DNAH3: variants seen among roughly 807,000 people sequenced by gnomAD.
The protein encoded by DNAH3 is axonemal beta dynein heavy chain 3.
DNAH3 carries 332 observed loss-of-function variants against 432.5 expected under a neutral mutation model. The ratio of observed to expected loss-of-function variants is 0.77; its 90% CI spans 0.70 to 0.84. The LOEUF (loss-of-function observed/expected upper bound fraction) is 0.84. Among genes scored for constraint, DNAH3 ranks in the 40% least tolerant of loss-of-function variants. DNAH3 has a pLI of 0.00. For synonymous variants in DNAH3, 1,956 were observed against 1,900.2 expected (o/e 1.03, Z -0.76); for missense variants, 4,861 against 5,114.0 (o/e 0.95, Z 1.51).
At chr16:21,159,177 C>T in intron 1 of DNAH3, 1 of 830,958 alleles carries the variant, frequency 1.2e-6, no homozygotes, top group Non-Finnish European at 2.0e-6. Flanking sequence ...TCTTCTCCAC[C>T]GAGGTCCCCT....
intron 57 of DNAH3, 147 bp from the exon 58 acceptor site, chr16:20,944,810 G>C: frequency 2.1e-5 from 16 of 765,762 alleles, no homozygotes; most frequent in Non-Finnish European, 3.2e-5. Context: ...CACGCTGGGA[G>C]AACACAACCC....
chr16:21,097,778 T>A (rs1398691289), intron 17 of DNAH3, among the ~76,000 whole-genome samples: 4 of 152,186 alleles, frequency 2.6e-5, no homozygotes, highest in African/African-American at 9.7e-5. Context: ...ATATCTCCGT[T>A]TTCATAATTT....
intron 11 of DNAH3, among the ~76,000 whole-genome samples, chr16:21,119,090 C>T (rs954212232): frequency 6.6e-6 from 1 of 152,164 alleles, no homozygotes; most frequent in African/African-American, 2.4e-5. Flanking sequence ...TTGCTGCAGC[C>T]ATACTACAGA....
intron 56 of DNAH3, among the ~76,000 whole-genome samples, chr16:20,949,693 G>A (rs886884499): frequency 1.3e-5 from 2 of 152,184 alleles, no homozygotes; most frequent in African/African-American, 2.4e-5. Context: ...GAATTACAAC[G>A]AGCAAAGACT....
rs550343321 is a variant in DNAH3, at chr16:21,074,806, C to T, written c.3084+641G>A. Among the ~76,000 whole-genome samples, 174 of 152,254 alleles carry T rather than the reference C, an allele frequency of 1.1e-3. 1 individual carries two copies. Among genetic ancestry groups the T allele is most frequent in the African/African-American group, 4.0e-3 (168 of 41,554 alleles). Reference sequence around the variant, plus strand: ...TTACAGCTCCCCAAGAGCTGCAACCCTCATCCCTACCTCACACCCTATCCC... The same window carrying T: ...TTACAGCTCCCCAAGAGCTGCAACCTTCATCCCTACCTCACACCCTATCCC... On this transcript the variant is annotated intron_variant, in intron 21 of 61. Transcript: ENST00000261383.
At chr16:21,007,778 C>G (rs2087388259) in intron 41 of DNAH3, among the ~76,000 whole-genome samples, 1 of 152,118 alleles carries the variant, frequency 6.6e-6, no homozygotes, top group African/African-American at 2.4e-5. Context: ...ATTGCCTACT[C>G]CAAATCATAA....
At chr16:21,143,120 A>G (rs2092741416) in intron 3 of DNAH3, among the ~76,000 whole-genome samples, 1 of 152,188 alleles carries the variant, frequency 6.6e-6, no homozygotes, top group African/African-American at 2.4e-5. Context: ...CTTGCCTGAG[A>G]ATTTTGGGGA....
At chr16:21,038,016 G>A (rs2089258164) in intron 33 of DNAH3, 36 bp from the exon 34 acceptor site, 2 of 1,584,214 alleles carry the variant, frequency 1.3e-6, no homozygotes, top group Non-Finnish European at 1.7e-6. Flanking sequence ...GACACCCAGA[G>A]AGGACTACGT....
intron 59 of DNAH3, among the ~76,000 whole-genome samples, chr16:20,939,325 C>A (rs528396699): frequency 1.1e-3 from 164 of 152,260 alleles, no homozygotes; most frequent in Non-Finnish European, 2.0e-3. Flanking sequence ...TAAAGAGTAA[C>A]CCTAGGCCGG....
intron 60 of DNAH3, among the ~76,000 whole-genome samples, chr16:20,936,391 A>G (rs1019204114): frequency 2.6e-5 from 4 of 151,974 alleles, no homozygotes; most frequent in Admixed American, 1.3e-4. Context: ...CCTGACCTCA[A>G]GTGATCCGCC....
intron 47 of DNAH3, among the ~76,000 whole-genome samples, chr16:20,986,329 A>C (rs1045384140): frequency 6.6e-6 from 1 of 151,674 alleles, no homozygotes; most frequent in Non-Finnish European, 1.5e-5. Context: ...ACATAGTGAG[A>C]CTCAGTCTCT....
At chr16:21,142,492 G>C (rs887861790) in intron 3 of DNAH3, among the ~76,000 whole-genome samples, 1 of 151,946 alleles carries the variant, frequency 6.6e-6, no homozygotes. Flanking sequence ...TTTATTGCAA[G>C]TAGAAAAACC....
At chr16:20,984,204 C>CGT (rs1239384507) in intron 48 of DNAH3, among the ~76,000 whole-genome samples, 21 of 150,346 alleles carry the variant, frequency 1.4e-4, no homozygotes, top group Non-Finnish European at 2.8e-4. Flanking sequence ...TGTGCGCATG[C>CGT]GTGCGTGTGT....
chr16:20,988,035 G>T, exon 45 of DNAH3: 1 of 1,614,142 alleles, frequency 6.2e-7, no homozygotes, highest in Non-Finnish European at 8.5e-7. Flanking sequence ...GGCATTGATG[G>T]AAATGATATT....
chr16:21,082,757 G>A (rs561925383), intron 19 of DNAH3, among the ~76,000 whole-genome samples: 55 of 151,654 alleles, frequency 3.6e-4, no homozygotes, highest in Middle Eastern at 3.4e-3. Context: ...TGAACCGGGA[G>A]GTGGAGGCAG....
chr16:21,005,278 C>T (rs913574046), intron 41 of DNAH3, among the ~76,000 whole-genome samples: 2 of 143,322 alleles, frequency 1.4e-5, no homozygotes, highest in Non-Finnish European at 3.0e-5. Flanking sequence ...TTCTTTCTTT[C>T]TTTCCTTCCT....
intron 44 of DNAH3, among the ~76,000 whole-genome samples, chr16:20,992,690 A>C (rs887299902): frequency 2.0e-5 from 3 of 152,188 alleles, no homozygotes. Context: ...CATTTCTTTA[A>C]GATGTCTTGG....
At chr16:20,941,729 T>G (rs940130301) in intron 58 of DNAH3, among the ~76,000 whole-genome samples, 186 bp from the exon 59 acceptor site, 7 of 150,664 alleles carry the variant, frequency 4.6e-5, no homozygotes, top group Non-Finnish European at 2.9e-5. Context: ...CCACCAGCCT[T>G]GGGGAGGGCA....
chr16:21,013,657 T>A (rs2087715847), intron 41 of DNAH3, among the ~76,000 whole-genome samples: 1 of 134,626 alleles, frequency 7.4e-6, no homozygotes, highest in Non-Finnish European at 1.5e-5. Flanking sequence ...AGGAGGAGGT[T>A]ACGATGAGCC....
Sources: allele counts gnomAD v4.1 joint callset (sites outside exome capture counted in the v4.1 genomes callset), GRCh38; gene constraint gnomAD v4.1.1; transcripts MANE v1.5; gene names NCBI Gene and HGNC (gene_info 2026-07-23, HGNC 2026-07-21).